RNF213: variants seen among roughly 807,000 people sequenced by gnomAD.
The protein encoded by RNF213 is E3 ubiquitin-protein ligase RNF213.
In RNF213, 341 loss-of-function variants were observed where a neutral mutation model predicts 514.4. The ratio of observed to expected loss-of-function variants is 0.66; its 90% CI spans 0.61 to 0.73. The LOEUF (loss-of-function observed/expected upper bound fraction) is 0.73. RNF213 is among the 30% of genes least tolerant of loss of function. RNF213 has a pLI of 0.00. For missense variants in RNF213, 5,767 were observed against 6,615.6 expected (o/e 0.87, Z 4.45); for synonymous variants, 2,655 against 2,658.2 (o/e 1.00, Z 0.04).
At chr17:80,358,940 G>A (rs938542030) in intron 37 of RNF213, among the ~76,000 whole-genome samples, 1 of 152,064 alleles carries the variant, frequency 6.6e-6, no homozygotes, top group Non-Finnish European at 1.5e-5. Flanking sequence ...ACGAAGCTCT[G>A]AGAAATTTCT....
At chr17:80,342,276 A>C (rs2078175273) in intron 26 of RNF213, among the ~76,000 whole-genome samples, 1 of 152,218 alleles carries the variant, frequency 6.6e-6, no homozygotes, top group Non-Finnish European at 1.5e-5. Flanking sequence ...TCACAGTGAC[A>C]GAATCATTTC....
At chr17:80,379,204 T>C (rs1207114394) in intron 54 of RNF213, among the ~76,000 whole-genome samples, 3 of 152,150 alleles carry the variant, frequency 2.0e-5, no homozygotes, top group Non-Finnish European at 2.9e-5. Flanking sequence ...TAAAAATTGA[T>C]ATATGAAAAA....
intron 37 of RNF213, among the ~76,000 whole-genome samples, chr17:80,359,286 T>G (rs1468706509): frequency 1.3e-5 from 2 of 151,590 alleles, no homozygotes; most frequent in African/African-American, 4.9e-5. Context: ...AGCAATTTAG[T>G]AGGCTGAGGC....
At chr17:80,371,263 G>A (rs2079507678) in intron 46 of RNF213, among the ~76,000 whole-genome samples, 1 of 152,248 alleles carries the variant, frequency 6.6e-6, no homozygotes, top group African/African-American at 2.4e-5. Context: ...TGTGGGCACA[G>A]CATTAAGGAA....
chr17:80,328,415 AAG>A lies in RNF213; in HGVS notation c.3459_3460del (p.Arg1155MetfsTer3). 6.5e-7 allele frequency: 1 copy of A among 1,537,244 alleles called. No individual in the cohort carries two copies. Among genetic ancestry groups the A allele is most frequent in the South Asian group, 1.2e-5 (1 of 84,058 alleles). On this transcript the variant is annotated frameshift_variant, in exon 20 of 68. Coordinates refer to ENST00000582970, the MANE Select transcript of RNF213 (RefSeq NM_001256071.3). LOFTEE classifies it high-confidence loss of function. ...AGGGAGGAACTGTTACTTCTAAAGA[AAG>A]AGAAAAGATGTGTTGATAGTCTCCT...
chr17:80,263,729 G>C lies in RNF213; in HGVS notation c.48G>C (p.Lys16Asn). The change falls in exon 2 of 68, where the codon AAG (lysine) becomes AAC (asparagine). Residue 16 changes from lysine to asparagine, a missense_variant. Lys to Asn is a moderately conservative substitution (Grantham distance 94). Transcript: ENST00000582970. This position sits in a 1 kb window ranked among gnomAD's most constrained non-coding sequence, Gnocchi z 4.9. ...ATGTCTCCAAGGAGGAAACCCCCAA[G>C]TTCTGCAGCCAGTGCGGAGAGAGGC... Reference protein sequence around the residue: ...CQHVSKEETPKFCSQCGERLP... With the variant: ...CQHVSKEETPNFCSQCGERLP... The C allele has an allele frequency of 6.2e-7, 1 of 1,614,164 alleles. No homozygotes were observed.
At chr17:80,261,978 T>C (rs987925331) in intron 1 of RNF213, among the ~76,000 whole-genome samples, 6 of 152,178 alleles carry the variant, frequency 3.9e-5, no homozygotes, top group Admixed American at 6.6e-5. Context: ...GATTGCCCAC[T>C]GTACTCCAGC....
chr17:80,369,493 T>C lies in RNF213; in HGVS notation c.12156-9T>C, dbSNP rs2079427574. ...CCATCCACCTGTCTTCTGTTTCTCG[T>C]GTTCTAAGGGAAGCCATTGAAAAGC... On this transcript the variant is annotated splice_polypyrimidine_tract_variant and intron_variant, in intron 44 of 67. Transcript: ENST00000582970. 1.9e-6 allele frequency: 3 copies of C among 1,612,648 alleles called. No individual in the cohort carries two copies.
intron 67 of RNF213, among the ~76,000 whole-genome samples, chr17:80,390,999 T>C (rs938282498): frequency 3.9e-5 from 6 of 152,012 alleles, no homozygotes; most frequent in African/African-American, 9.7e-5. Context: ...GAGGTGGAGA[T>C]TGCAGTGAGC....
rs199684832 is a variant in RNF213, at chr17:80,354,550, C to T, written c.10836C>T (p.Asp3612=). 134 of 1,614,074 alleles carry T rather than the reference C, an allele frequency of 8.3e-5. 1 individual carries two copies. The highest frequency in any genetic ancestry group is 2.3e-4 in the Admixed American group (14 of 60,006). The stretch of plus-strand genomic sequence containing the variant: ...TGGCAAGGGAAGCCTGCAACCAGGA[C>T]GCTCTCCAGGAGGCGGGCACATTCA... The part of the protein sequence containing the change: ...EWLAREACNQ[D]ALQEAGTFRH... The change falls in exon 36 of 68, where the codon GAC becomes GAT. Residue 3612 remains aspartate (D), a synonymous_variant. Coordinates refer to ENST00000582970, the MANE Select transcript of RNF213 (RefSeq NM_001256071.3).
chr17:80,320,099 T>A, intron 17 of RNF213: 3 of 765,766 alleles, frequency 3.9e-6, no homozygotes, highest in Non-Finnish European at 3.2e-6. Context: ...GTCACAGATA[T>A]GTACAGTCAT....
chr17:80,373,196 A>G (rs762214390), intron 49 of RNF213, 31 bp downstream of exon 49: 1 of 1,588,702 alleles, frequency 6.3e-7, no homozygotes, highest in East Asian at 2.3e-5. Context: ...GCACACAAAC[A>G]TGCACCCCCA....
chr17:80,329,664 A>T (rs1271818072), intron 20 of RNF213, among the ~76,000 whole-genome samples: 2 of 151,808 alleles, frequency 1.3e-5, no homozygotes, highest in East Asian at 3.9e-4. Context: ...CCCCATCTCT[A>T]AAAAAAATAC....
At chr17:80,334,456 T>A in intron 22 of RNF213, 186 bp downstream of exon 22, 1 of 567,586 alleles carries the variant, frequency 1.8e-6, no homozygotes. Flanking sequence ...GGTACAGTAT[T>A]TCCCATGTGC....
chr17:80,316,926 C>T (rs2045966538), intron 15 of RNF213, among the ~76,000 whole-genome samples: 1 of 152,152 alleles, frequency 6.6e-6, no homozygotes, highest in African/African-American at 2.4e-5. Flanking sequence ...AGAGATAAGT[C>T]CTTTCAGAAT....
In RNF213 at chr17:80,385,617, G is replaced by A. The variant is rs770233838; in HGVS notation, c.14535G>A (p.Thr4845=). The change falls in exon 61 of 68, where the codon ACG becomes ACA. Residue 4845 remains threonine, a synonymous_variant. Coordinates refer to ENST00000582970, the MANE Select transcript of RNF213 (RefSeq NM_001256071.3). ...TWNKLRRSLE[T]NGEINLPKDY... ...ACAAACTGAGGAGATCGCTTGAGAC[G>A]AACGGTTAGTATCCTGTCCCCTGTA... 2.3e-5 allele frequency: 37 copies of A among 1,613,644 alleles called. No individual in the cohort carries two copies. Among genetic ancestry groups the A allele is most frequent in the African/African-American group, 1.9e-4 (14 of 74,928 alleles).
intron 11 of RNF213, among the ~76,000 whole-genome samples, chr17:80,300,639 T>C (rs1034729815): frequency 1.3e-5 from 2 of 152,074 alleles, no homozygotes; most frequent in African/African-American, 4.8e-5. Context: ...CTGTAACCTC[T>C]GCCTCCCAGG....
chr17:80,359,947 T>G (rs2078993205), intron 37 of RNF213, 114 bp from the exon 38 acceptor site: 1 of 1,066,560 alleles, frequency 9.4e-7, no homozygotes, highest in East Asian at 2.4e-5. Context: ...GCCTGGCCTG[T>G]TGGCCCCTTT....
intron 42 of RNF213, chr17:80,364,796 T>C (rs2079195692): frequency 2.0e-6 from 1 of 509,308 alleles, no homozygotes; most frequent in Admixed American, 3.1e-5. Context: ...CCAGGAACTG[T>C]GTGCAGAAAG....
Sources: allele counts gnomAD v4.1 joint callset (sites outside exome capture counted in the v4.1 genomes callset), GRCh38; gene constraint gnomAD v4.1.1; non-coding constraint Gnocchi (gnomAD v3.1); transcripts MANE v1.5; gene names NCBI Gene and HGNC (gene_info 2026-07-23, HGNC 2026-07-21).